DMRT1: variants seen among roughly 807,000 people sequenced by gnomAD.
DMRT1 encodes doublesex- and mab-3-related transcription factor 1.
Under a neutral mutation model 32.3 loss-of-function variants are expected in DMRT1, and 7 were observed. That is an observed-to-expected ratio of 0.22 (90% CI 0.12 to 0.41). DMRT1 has a LOEUF of 0.41. DMRT1 is among the 10% of genes least tolerant of loss of function. The pLI is 1.00. For synonymous variants in DMRT1, 278 were observed against 206.1 expected (o/e 1.35, Z -2.99); for missense variants, 625 against 500.5 (o/e 1.25, Z -2.37).
chr9:860,278 C>G (rs1184064309), intron 2 of DMRT1, among the ~76,000 whole-genome samples: 3 of 152,118 alleles, frequency 2.0e-5, no homozygotes, highest in Non-Finnish European at 4.4e-5. Flanking sequence ...GCCTGGGCGA[C>G]AGAGCGAGAC....
At chr9:864,639 C>T (rs1180057505) in intron 2 of DMRT1, among the ~76,000 whole-genome samples, 2 of 151,990 alleles carry the variant, frequency 1.3e-5, no homozygotes, top group African/African-American at 4.8e-5. Flanking sequence ...GCTGGGACTA[C>T]AGGCGCCCGC....
chr9:935,440 T>C (rs1248778518), intron 4 of DMRT1, among the ~76,000 whole-genome samples: 1 of 152,204 alleles, frequency 6.6e-6, no homozygotes, highest in East Asian at 1.9e-4. Flanking sequence ...TGAGAGAGTG[T>C]AATTGCCGGA....
intron 4 of DMRT1, among the ~76,000 whole-genome samples, chr9:937,339 T>G (rs1304416316): frequency 6.6e-6 from 1 of 152,230 alleles, no homozygotes; most frequent in Non-Finnish European, 1.5e-5. Context: ...GTACCTGCTT[T>G]CAGTTCTTCT....
intron 2 of DMRT1, among the ~76,000 whole-genome samples, chr9:863,098 T>A (rs935263115): frequency 8.6e-5 from 12 of 140,322 alleles, no homozygotes; most frequent in Non-Finnish European, 1.5e-4. Flanking sequence ...AAGGATTGCT[T>A]AAGCTCAGGA....
At chr9:929,780 C>T (rs1260307044) in intron 4 of DMRT1, among the ~76,000 whole-genome samples, 1 of 152,082 alleles carries the variant, frequency 6.6e-6, no homozygotes, top group Non-Finnish European at 1.5e-5. Context: ...ATATCTCTTT[C>T]CTTAAGTCCC....
intron 3 of DMRT1, 72 bp from the exon 4 acceptor site, chr9:916,691 A>G: frequency 6.4e-7 from 1 of 1,569,686 alleles, no homozygotes; most frequent in Non-Finnish European, 8.8e-7. Context: ...GTTTTAAAGA[A>G]CTAGATAATT....
intron 2 of DMRT1, among the ~76,000 whole-genome samples, chr9:875,829 A>G (rs1198659253): frequency 1.3e-5 from 2 of 152,176 alleles, no homozygotes; most frequent in East Asian, 3.9e-4. Flanking sequence ...ACACACACAT[A>G]TATATTTACG....
chr9:907,968 C>T (rs7042955), intron 3 of DMRT1, among the ~76,000 whole-genome samples: 21,184 of 152,000 alleles, frequency 0.14, 2,040 homozygotes, highest in African/African-American at 0.27. Flanking sequence ...ACTGTTGTTC[C>T]GTCAGTACCA....
chr9:871,272 C>G (rs935418862), intron 2 of DMRT1, among the ~76,000 whole-genome samples: 2 of 151,582 alleles, frequency 1.3e-5, no homozygotes, highest in Non-Finnish European at 2.9e-5. Flanking sequence ...GAGCAATTCT[C>G]CACCTTGGCC....
intron 2 of DMRT1, among the ~76,000 whole-genome samples, chr9:885,334 C>T (rs1177974077): frequency 6.6e-6 from 1 of 152,120 alleles, no homozygotes; most frequent in Non-Finnish European, 1.5e-5. Context: ...CTTGGTGTAC[C>T]AAAAGAATGA....
intron 3 of DMRT1, among the ~76,000 whole-genome samples, chr9:896,444 A>T (rs1817366536): frequency 1.3e-5 from 2 of 151,552 alleles, no homozygotes; most frequent in African/African-American, 2.4e-5. Flanking sequence ...ACTCCTCGCT[A>T]ATCCAACATC....
chr9:881,810 C>T (rs567471388), intron 2 of DMRT1, among the ~76,000 whole-genome samples: 1 of 152,322 alleles, frequency 6.6e-6, no homozygotes, highest in Non-Finnish European at 1.5e-5. Context: ...TCTTCTTCTC[C>T]ACCCCCAAAC....
chr9:905,403 T>G (rs1465731295), intron 3 of DMRT1, among the ~76,000 whole-genome samples: 1 of 152,024 alleles, frequency 6.6e-6, no homozygotes, highest in East Asian at 1.9e-4. Context: ...TAATTCTATG[T>G]CTGGAGTATT....
rs140737520 is a variant in DMRT1, at chr9:889,004, T to C, written c.539-4908T>C. ...AGAATTTCTGGAGAGCTTAGTAAAA[T>C]TCAGATTGCTGGGCGCCATTCTCGG... On this transcript the variant is annotated intron_variant, in intron 2 of 4. Transcript: ENST00000382276. Among the ~76,000 whole-genome samples, 26 of 151,704 alleles carry C rather than the reference T, an allele frequency of 1.7e-4. No individual in the cohort carries two copies. In the South Asian group the frequency reaches 2.3e-3, roughly 14 times the overall value.
intron 2 of DMRT1, among the ~76,000 whole-genome samples, chr9:865,831 G>C (rs1313574703): frequency 6.6e-6 from 1 of 152,090 alleles, no homozygotes; most frequent in Non-Finnish European, 1.5e-5. Context: ...TGACTTCGCT[G>C]ATAGATGCCT....
intron 2 of DMRT1, among the ~76,000 whole-genome samples, chr9:850,952 C>T (rs1430294019): frequency 6.9e-6 from 1 of 145,262 alleles, no homozygotes; most frequent in Non-Finnish European, 1.5e-5. Flanking sequence ...TCTCTTGAAT[C>T]TGGGAGGTGG....
chr9:916,002 G>A (rs184861497), intron 3 of DMRT1, among the ~76,000 whole-genome samples: 202 of 152,190 alleles, frequency 1.3e-3, no homozygotes, highest in South Asian at 5.4e-3. Flanking sequence ...CAAAGTGCTG[G>A]GATTACAGAC....
intron 4 of DMRT1, among the ~76,000 whole-genome samples, chr9:928,539 A>G (rs1456395517): frequency 1.3e-5 from 2 of 152,178 alleles, no homozygotes. Context: ...TGAGGCAGCG[A>G]AAGAAACAAT....
chr9:928,449 C>G (rs1007863983), intron 4 of DMRT1, among the ~76,000 whole-genome samples: 1 of 152,160 alleles, frequency 6.6e-6, no homozygotes, highest in African/African-American at 2.4e-5. Context: ...GTCAACATAG[C>G]CTTCCCAGCC....
Sources: allele counts gnomAD v4.1 joint callset (sites outside exome capture counted in the v4.1 genomes callset), GRCh38; gene constraint gnomAD v4.1.1; transcripts MANE v1.5; gene names NCBI Gene and HGNC (gene_info 2026-07-23, HGNC 2026-07-21).